The following PDE8A variants were observed in gnomAD, a reference collection of about 807,000 sequenced individuals.
PDE8A encodes the protein high affinity cAMP-specific and IBMX-insensitive 3',5'-cyclic phosphodiesterase 8A.
In PDE8A, 59 loss-of-function variants were observed where a neutral mutation model predicts 105.0. That is an observed-to-expected ratio of 0.56 (90% CI 0.46 to 0.70). The LOEUF (loss-of-function observed/expected upper bound fraction) is 0.70, where lower values mean the gene tolerates loss of function less well. Ranked by LOEUF, PDE8A falls within the 30% of genes least tolerant of loss-of-function variation. The pLI, the probability that PDE8A is intolerant of heterozygous loss-of-function variation, is 0.00. For missense variants in PDE8A, 1,014 were observed against 1,045.9 expected (o/e 0.97, Z 0.42); for synonymous variants, 355 against 371.9 (o/e 0.95, Z 0.52).
chr15:85,118,268 A>C (rs932433877), intron 17 of PDE8A, among the ~76,000 whole-genome samples: 2 of 152,036 alleles, frequency 1.3e-5, no homozygotes, highest in African/African-American at 4.8e-5. Flanking sequence ...AGGGTTATCT[A>C]CCTAATCCAG....
chr15:85,017,964 A>G (rs1336134356), intron 1 of PDE8A, among the ~76,000 whole-genome samples: 1 of 149,684 alleles, frequency 6.7e-6, no homozygotes, highest in South Asian at 2.1e-4. Flanking sequence ...CAAAGTATGG[A>G]TGAGATATGC....
intron 1 of PDE8A, among the ~76,000 whole-genome samples, chr15:85,038,848 C>A (rs1371594487): frequency 6.6e-6 from 1 of 152,068 alleles, no homozygotes; most frequent in Non-Finnish European, 1.5e-5. Context: ...AAGGCTGAGG[C>A]CGGTGGCTCA....
At chr15:85,072,188 C>G (rs2081321470) in intron 3 of PDE8A, among the ~76,000 whole-genome samples, 1 of 152,220 alleles carries the variant, frequency 6.6e-6, no homozygotes, top group Non-Finnish European at 1.5e-5. Flanking sequence ...ATCTGAAACT[C>G]ATTCCACATG....
chr15:84,994,680 AGTGAGGACGGGAGCG>A, intron 1 of PDE8A, among the ~76,000 whole-genome samples: 1 of 152,204 alleles, frequency 6.6e-6, no homozygotes, highest in Non-Finnish European at 1.5e-5. Flanking sequence ...AGTAATTGCA[AGTGAGGACGGGAGCG>A]GTGGCTCACG....
At position 85,114,035 on chromosome 15, in the gene PDE8A, T is replaced by C. The variant is rs1001220701; in HGVS notation, c.1348T>C (p.Ser450Pro). Residue 450 changes from serine (S) to proline (P), a missense_variant and splice_region_variant, in exon 14 of 22, where the codon TCT (serine) becomes CCT (proline). Coordinates refer to ENST00000394553, the MANE Select transcript of PDE8A (RefSeq NM_002605.3). ...HANDLVGGLM[S>P]DGLRRLSGNE... The stretch of plus-strand genomic sequence containing the variant: ...CAATGACCTTGTTGGGGGCTTAATG[T>C]CTGTAAGTATATTTGACTAGACTCT... 1 of 1,612,580 alleles carries C rather than the reference T, an allele frequency of 6.2e-7. No individual in the cohort carries two copies. The highest frequency in any genetic ancestry group is 1.3e-5 in the African/African-American group (1 of 74,886).
chr15:85,071,786 G>C (rs1472732669), intron 3 of PDE8A, among the ~76,000 whole-genome samples: 2 of 152,184 alleles, frequency 1.3e-5, no homozygotes, highest in African/African-American at 4.8e-5. Context: ...ATTGCATTCA[G>C]GGGTGTGTAA....
At chr15:85,071,827 G>A (rs1159746158) in intron 3 of PDE8A, among the ~76,000 whole-genome samples, 1 of 152,164 alleles carries the variant, frequency 6.6e-6, no homozygotes, top group East Asian at 1.9e-4. Context: ...TGTGAAAAGT[G>A]CCACCACATA....
intron 3 of PDE8A, among the ~76,000 whole-genome samples, chr15:85,073,690 G>A (rs2081343814): frequency 6.6e-6 from 1 of 152,252 alleles, no homozygotes; most frequent in Admixed American, 6.5e-5. Flanking sequence ...GACAGATACA[G>A]TGTCACTAGA....
intron 11 of PDE8A, among the ~76,000 whole-genome samples, chr15:85,102,237 G>A (rs1179266062): frequency 6.6e-6 from 1 of 152,186 alleles, no homozygotes; most frequent in African/African-American, 2.4e-5. Context: ...AGTCTGGAGA[G>A]CGTTGCTGAA....
At chr15:85,014,076 T>C (rs145612604) in intron 1 of PDE8A, among the ~76,000 whole-genome samples, 19 of 152,304 alleles carry the variant, frequency 1.2e-4, no homozygotes, top group African/African-American at 4.1e-4. Flanking sequence ...TGATTCAGGG[T>C]GGAGATGATA....
At chr15:85,128,443 G>A (rs573204572) in intron 20 of PDE8A, among the ~76,000 whole-genome samples, 39 of 152,264 alleles carry the variant, frequency 2.6e-4, no homozygotes, top group Admixed American at 9.8e-4. Flanking sequence ...GCTGCAGTGA[G>A]CCATGATTGT....
rs573703191 is a variant in PDE8A at position 85,100,806 on chromosome 15, G to A, written c.1036+608G>A. On this transcript the variant is annotated intron_variant, in intron 11 of 21. Coordinates refer to ENST00000394553, the MANE Select transcript of PDE8A (RefSeq NM_002605.3). Reference sequence around the variant, plus strand: ...AGCGCCACTCCAGCTTCAGGCAGGAGGTGCTCCGTCAAGTGTCTGTGTAGA... The same window carrying A: ...AGCGCCACTCCAGCTTCAGGCAGGAAGTGCTCCGTCAAGTGTCTGTGTAGA... Among the ~76,000 whole-genome samples the A allele has an allele frequency of 2.0e-4, 30 of 152,336 alleles. No individual in the cohort carries two copies. The East Asian group carries it at 5.6e-3, about 28-fold the overall frequency.
At chr15:85,131,439 G>T (rs1596549424) in intron 20 of PDE8A, among the ~76,000 whole-genome samples, 1 of 151,952 alleles carries the variant, frequency 6.6e-6, no homozygotes, top group Admixed American at 6.6e-5. Flanking sequence ...TAGTTGCATT[G>T]TGGATACCAT....
At chr15:85,031,811 C>T (rs1225670926) in intron 1 of PDE8A, among the ~76,000 whole-genome samples, 1 of 152,142 alleles carries the variant, frequency 6.6e-6, no homozygotes, top group East Asian at 1.9e-4. Context: ...TCGCTAGAGG[C>T]TGATTACTGG....
At chr15:85,040,248 G>T (rs2080779598) in intron 1 of PDE8A, among the ~76,000 whole-genome samples, 1 of 151,824 alleles carries the variant, frequency 6.6e-6, no homozygotes, top group South Asian at 2.1e-4. Context: ...TTCCAGGCCA[G>T]CCTGGGCAAT....
At chr15:85,115,013 T>C (rs1359840723) in intron 14 of PDE8A, among the ~76,000 whole-genome samples, 1 of 152,044 alleles carries the variant, frequency 6.6e-6, no homozygotes, top group East Asian at 1.9e-4. Flanking sequence ...AGCTAATGTT[T>C]CCAGGAAAGC....
chr15:84,986,758 C>T (rs149111183), intron 1 of PDE8A, among the ~76,000 whole-genome samples: 450 of 151,984 alleles, frequency 3.0e-3, no homozygotes, highest in Non-Finnish European at 4.7e-3. Flanking sequence ...ACTACAGGTG[C>T]GCACCATGCA....
chr15:85,029,877 A>G (rs1432894288), intron 1 of PDE8A, among the ~76,000 whole-genome samples: 1 of 152,186 alleles, frequency 6.6e-6, no homozygotes, highest in Non-Finnish European at 1.5e-5. Flanking sequence ...GACAATGTCT[A>G]AGGCAGGTGG....
chr15:85,137,168 G>A (rs905932892), intron 21 of PDE8A, among the ~76,000 whole-genome samples: 2 of 152,158 alleles, frequency 1.3e-5, no homozygotes, highest in Non-Finnish European at 2.9e-5. Context: ...CTTGAAGGAG[G>A]GGCTACAGGG....
Sources: gnomAD v4.1 joint callset for allele counts (sites outside exome capture counted in the v4.1 genomes callset) on GRCh38, gnomAD v4.1.1 for gene constraint, MANE v1.5 for transcripts, NCBI Gene and HGNC (gene_info 2026-07-23, HGNC 2026-07-21) for gene names.